The following SLC35F4 variants were observed in gnomAD, a reference collection of about 807,000 sequenced individuals.
SLC35F4 encodes solute carrier family 35 member F4, also known as chromosome 14 open reading frame 36.
A neutral mutation model predicts 44.2 loss-of-function variants in SLC35F4; 24 were observed. The observed-to-expected ratio is 0.54, with a 90% CI of 0.39 to 0.76. The LOEUF is 0.76. Among genes scored for constraint, SLC35F4 ranks in the 30% least tolerant of loss-of-function variants. The probability of loss-of-function intolerance (pLI) is 0.00; values close to 1 mark genes in which losing one functional copy is unlikely to be tolerated. For missense variants in SLC35F4, 562 were observed against 586.1 expected, an observed-to-expected ratio of 0.96 and a Z score of 0.42; for synonymous variants, 238 against 223.6, an observed-to-expected ratio of 1.06 and a Z score of -0.57.
chr14:57,565,950 G>T (rs1160819933), intron 7 of SLC35F4, among the ~76,000 whole-genome samples: 1 of 152,158 alleles, frequency 6.6e-6, no homozygotes, highest in African/African-American at 2.4e-5. Context: ...TCACTGGCAG[G>T]TTTCTCTAGA....
At chr14:57,944,085 C>A (rs1220694587) in intron 1 of SLC35F4, among the ~76,000 whole-genome samples, 1 of 152,158 alleles carries the variant, frequency 6.6e-6, no homozygotes, top group Non-Finnish European at 1.5e-5. Context: ...GAGCTCCACA[C>A]CAATTTCTGT....
intron 1 of SLC35F4, among the ~76,000 whole-genome samples, chr14:57,891,543 A>C (rs1396361048): frequency 6.6e-6 from 1 of 152,090 alleles, no homozygotes; most frequent in Non-Finnish European, 1.5e-5. Context: ...TAGTAAGAAT[A>C]ATATAAGTAC....
intron 1 of SLC35F4, among the ~76,000 whole-genome samples, chr14:57,774,485 C>G (rs983545824): frequency 1.3e-5 from 2 of 152,158 alleles, no homozygotes; most frequent in Non-Finnish European, 1.5e-5. Flanking sequence ...CCAGGGATGC[C>G]CATCCCCCTA....
chr14:57,622,856 A>T (rs888635457), intron 1 of SLC35F4, among the ~76,000 whole-genome samples: 3 of 151,952 alleles, frequency 2.0e-5, no homozygotes, highest in African/African-American at 7.2e-5. Context: ...AATTAAAAAA[A>T]CCCCACCAAA....
chr14:57,968,808 C>T (rs942673828), intron 1 of SLC35F4, among the ~76,000 whole-genome samples: 12 of 152,046 alleles, frequency 7.9e-5, no homozygotes, highest in Non-Finnish European at 1.6e-4. Context: ...TCTTTGAAGG[C>T]CAAAAATTAA....
At chr14:57,579,172 C>T (rs912006300) in intron 4 of SLC35F4, among the ~76,000 whole-genome samples, 2 of 152,178 alleles carry the variant, frequency 1.3e-5, no homozygotes, top group African/African-American at 2.4e-5. Flanking sequence ...ATGATGTCCC[C>T]TTTTCAAGAT....
chr14:57,599,817 A>C (rs1310143105), intron 1 of SLC35F4, among the ~76,000 whole-genome samples: 6 of 151,560 alleles, frequency 4.0e-5, no homozygotes, highest in East Asian at 1.9e-4. Context: ...AAAAAAAAAA[A>C]AACAACACCA....
chr14:57,742,329 A>G (rs1359362449), intron 1 of SLC35F4, among the ~76,000 whole-genome samples: 1 of 152,234 alleles, frequency 6.6e-6, no homozygotes, highest in African/African-American at 2.4e-5. Context: ...CAGGAGACAC[A>G]TCTCATATGC....
chr14:57,583,315 G>A (rs2069433643), intron 3 of SLC35F4, among the ~76,000 whole-genome samples: 1 of 152,170 alleles, frequency 6.6e-6, no homozygotes, highest in Admixed American at 6.5e-5. Context: ...AAGCTGCCGT[G>A]TAGAGCTGGA....
At chr14:57,650,111 T>C (rs974377588) in intron 1 of SLC35F4, among the ~76,000 whole-genome samples, 4 of 152,114 alleles carry the variant, frequency 2.6e-5, no homozygotes, top group African/African-American at 9.7e-5. Flanking sequence ...CACCTTATCA[T>C]TAATGTTGGA....
At chr14:57,803,877 AC>A (rs1406351909) in intron 1 of SLC35F4, among the ~76,000 whole-genome samples, 1 of 151,990 alleles carries the variant, frequency 6.6e-6, no homozygotes, top group African/African-American at 2.4e-5. Flanking sequence ...GACGTGAGCC[AC>A]CCAGTCCCAA....
intron 1 of SLC35F4, among the ~76,000 whole-genome samples, chr14:57,684,047 G>T (rs2074992699): frequency 6.6e-6 from 1 of 152,092 alleles, no homozygotes; most frequent in Admixed American, 6.6e-5. Flanking sequence ...TCATCAGTGA[G>T]CAAGCCTCTC....
intron 1 of SLC35F4, among the ~76,000 whole-genome samples, chr14:57,944,744 A>AAAGAAGAAAGG (rs1566508839): frequency 6.8e-6 from 1 of 146,088 alleles, no homozygotes; most frequent in Non-Finnish European, 1.5e-5. Context: ...AGAAAGAAAG[A>AAAGAAGAAAGG]AAGAAAGAAG....
chr14:57,977,628 G>A (rs961596518), intron 1 of SLC35F4, among the ~76,000 whole-genome samples: 3 of 152,136 alleles, frequency 2.0e-5, no homozygotes, highest in Non-Finnish European at 4.4e-5. Flanking sequence ...ACGTTCCAAA[G>A]GCAGAAATTA....
At chr14:57,587,206 CAG>C (rs1566650136) in intron 3 of SLC35F4, among the ~76,000 whole-genome samples, 1 of 152,086 alleles carries the variant, frequency 6.6e-6, no homozygotes, top group Non-Finnish European at 1.5e-5. Flanking sequence ...TTGTGGAAGA[CAG>C]ACAGTGTGGC....
At chr14:57,744,812 G>A (rs1311169180) in intron 1 of SLC35F4, among the ~76,000 whole-genome samples, 10 of 152,148 alleles carry the variant, frequency 6.6e-5, no homozygotes, top group Non-Finnish European at 1.3e-4. Flanking sequence ...AACAAAGCTG[G>A]AGGCATCATG....
intron 7 of SLC35F4, among the ~76,000 whole-genome samples, chr14:57,565,055 T>C (rs1338734291): frequency 6.6e-6 from 1 of 152,232 alleles, no homozygotes; most frequent in Non-Finnish European, 1.5e-5. Context: ...ATCCATGTTG[T>C]AGCACGTGTC....
intron 1 of SLC35F4, among the ~76,000 whole-genome samples, chr14:57,964,133 C>G (rs1450283530): frequency 2.0e-5 from 3 of 152,098 alleles, no homozygotes; most frequent in Non-Finnish European, 4.4e-5. Flanking sequence ...GGATAAATCA[C>G]CTTCTTGGCA....
chr14:57,907,526 T>C (rs1889125976), intron 1 of SLC35F4, among the ~76,000 whole-genome samples: 2 of 152,186 alleles, frequency 1.3e-5, no homozygotes, highest in Non-Finnish European at 2.9e-5. Flanking sequence ...TTTATGTGAA[T>C]TAAATTCCAA....
Sources: gnomAD v4.1 joint callset for allele counts (sites outside exome capture counted in the v4.1 genomes callset) on GRCh38, gnomAD v4.1.1 for gene constraint, MANE v1.5 for transcripts, NCBI Gene and HGNC (gene_info 2026-07-23, HGNC 2026-07-21) for gene names.